The following SF3A1 variants were observed in gnomAD, a reference collection of about 807,000 sequenced individuals.
SF3A1 encodes SAP 114.
A neutral mutation model predicts 89.9 loss-of-function variants in SF3A1; 13 were observed. The observed-to-expected ratio is 0.14, with a 90% CI of 0.09 to 0.23. The LOEUF is 0.23. Among genes scored for constraint, SF3A1 ranks in the 10% least tolerant of loss-of-function variants. The pLI is 1.00. For missense variants in SF3A1, 604 were observed against 1,022.1 expected (o/e 0.59, Z 5.58); for synonymous variants, 405 against 374.4 (o/e 1.08, Z -0.94).
chr22:30,335,453 A>G lies in SF3A1; in HGVS notation c.2280+14T>C. On this transcript the variant is annotated intron_variant, in intron 15 of 15. Transcript: ENST00000215793. The stretch of plus-strand genomic sequence containing the variant: ...CAGGACCCAAGGGACAGGTCTGTGG[A>G]CAAACTGACTCACCTCATACTGTAG... 1 of 1,612,264 alleles carries G rather than the reference A, an allele frequency of 6.2e-7. No individual in the cohort carries two copies. The highest frequency in any genetic ancestry group is 8.5e-7 in the Non-Finnish European group (1 of 1,178,430).
intron 3 of SF3A1, chr22:30,346,106 C>G (rs1931409687): frequency 1.7e-6 from 1 of 580,448 alleles, no homozygotes; most frequent in Admixed American, 3.1e-5. Flanking sequence ...GTACCAAGCA[C>G]AGAGCTTGAC....
intron 4 of SF3A1, 140 bp from the exon 5 acceptor site, chr22:30,343,019 G>T: frequency 1.8e-6 from 1 of 564,474 alleles, no homozygotes; most frequent in Non-Finnish European, 3.2e-6. Flanking sequence ...ACTTGGCTGT[G>T]GGACTTAGGG....
In SF3A1 at chr22:30,342,341, G is replaced by T. The variant is rs548005940; in HGVS notation, c.736C>A (p.Arg246=). The T allele has an allele frequency of 6.2e-7, 1 of 1,607,338 alleles. No homozygotes were observed. Among genetic ancestry groups the T allele is most frequent in the Non-Finnish European group, 8.5e-7 (1 of 1,176,722 alleles). ...PREVLDQVCY[R]VEWAKFQERE... ...TCCTGGAATTTGGCCCATTCCACTC[G>T]GTAACACACCTGCAGAGATGGGAAA... The change falls in exon 6 of 16, where the codon CGA becomes AGA. Residue 246 remains arginine (R), a synonymous_variant. Coordinates refer to ENST00000215793, the MANE Select transcript of SF3A1 (RefSeq NM_005877.6).
chr22:30,352,611 G>A (rs1160554123), intron 2 of SF3A1: 2 of 194,720 alleles, frequency 1.0e-5, no homozygotes, highest in African/African-American at 4.6e-5. Flanking sequence ...TGTACAATGA[G>A]AATAATAAAC....
rs753487583 is a variant in SF3A1 at position 30,346,411 on chromosome 22, G to A, written c.294C>T (p.Val98=). Residue 98 remains valine, a synonymous_variant, in exon 3 of 16, where the codon GTC becomes GTT. Transcript: ENST00000215793. ...GAGCCTTCCCTTCCTTGAACTCGCT[G>A]ACCTTGTGGCGGTAGTAGGCATGGT... The part of the protein sequence containing the change: ...DPYHAYYRHK[V]SEFKEGKAQE... 17 of 1,613,998 alleles carry A rather than the reference G, an allele frequency of 1.1e-5. No individual in the cohort carries two copies. In the South Asian group the frequency reaches 1.6e-4, roughly 16 times the overall value.
intron 6 of SF3A1, 28 bp from the exon 7 acceptor site, chr22:30,341,913 T>C: frequency 6.3e-7 from 1 of 1,599,608 alleles, no homozygotes; most frequent in Non-Finnish European, 8.5e-7. Flanking sequence ...GGCAAAGGTA[T>C]TCCTTATCAA....
rs1172725026 is a variant in SF3A1 at position 30,337,029 on chromosome 22, G to A, written c.2103C>T (p.Asn701=). Reference sequence around the variant, plus strand: ...GCAGCATTCTGGGATTACATACCTTGTTTCTGCGCAGGAACTCCTCCTCTG... The same window carrying A: ...GCAGCATTCTGGGATTACATACCTTATTTCTGCGCAGGAACTCCTCCTCTG... ...LMPEEEFLRR[N]KGPVSIKVQV... Residue 701 remains asparagine, a synonymous_variant, in exon 13 of 16, where the codon AAC becomes AAT. Transcript: ENST00000215793. 1 of 1,614,156 alleles carries A rather than the reference G, an allele frequency of 6.2e-7. No homozygotes were observed.
At chr22:30,335,060 GAGA>G (rs767448878) in intron 15 of SF3A1, among the ~76,000 whole-genome samples, 15 of 152,316 alleles carry the variant, frequency 9.8e-5, no homozygotes, top group African/African-American at 2.6e-4. Context: ...TTCAAGTTCA[GAGA>G]AGAAGAACAT....
rs117435254 is a variant in SF3A1, at chr22:30,349,171, C to T, written c.186-2652G>A. ...CAGTTGTGCATTTCTACTGCATGCTCCATAAATATACGTGAACCCAGGAGA... is the reference window on the plus strand; with the variant it reads ...CAGTTGTGCATTTCTACTGCATGCTTCATAAATATACGTGAACCCAGGAGA... On this transcript the variant is annotated intron_variant, in intron 2 of 15. Coordinates refer to ENST00000215793, the MANE Select transcript of SF3A1 (RefSeq NM_005877.6). 1.2e-3 allele frequency among the ~76,000 whole-genome samples: 179 copies of T among 152,352 alleles called. 5 individuals are homozygous for T. In the East Asian group the frequency reaches 0.032, roughly 27 times the overall value.
chr22:30,356,637 G>T, intron 1 of SF3A1, 93 bp downstream of exon 1: 2 of 1,006,488 alleles, frequency 2.0e-6, no homozygotes. Flanking sequence ...GTCCCTCCAA[G>T]CCCTTCATAG....
At position 30,350,185 on chromosome 22, in the gene SF3A1, G is replaced by A. The variant is rs539434813; in HGVS notation, c.185+2766C>T. Among the ~76,000 whole-genome samples the A allele has an allele frequency of 7.2e-4, 110 of 152,024 alleles. 1 individual carries two copies. The highest frequency in any genetic ancestry group is 2.5e-3 in the African/African-American group (102 of 41,450). ...GAAATGTTGGGAACAGGCCAGGTGC[G>A]GTGGTCACTGCCTGTAATCCCAGCC... On this transcript the variant is annotated intron_variant, in intron 2 of 15. Transcript: ENST00000215793.
chr22:30,347,102 G>A (rs1931444648), intron 2 of SF3A1, among the ~76,000 whole-genome samples: 1 of 151,950 alleles, frequency 6.6e-6, no homozygotes, highest in Admixed American at 6.6e-5. Flanking sequence ...TTTGAGCCTG[G>A]GCAACAAGAA....
chr22:30,342,496 T>G, intron 5 of SF3A1, 146 bp from the exon 6 acceptor site: 5 of 888,316 alleles, frequency 5.6e-6, no homozygotes, highest in Non-Finnish European at 8.4e-6. Context: ...TTGCACCTGG[T>G]TCCACCCAGG....
chr22:30,356,766 C>T lies in SF3A1; in HGVS notation c.27G>A (p.Val9=), dbSNP rs1362280702. Residue 9 remains valine (V), a synonymous_variant, in exon 1 of 16, where the codon GTG becomes GTA. Coordinates refer to ENST00000215793, the MANE Select transcript of SF3A1 (RefSeq NM_005877.6). ...CCGTGGGCACGGGCGGCGGCGGGGG[C>T]ACCGCCTGCACGGGTCCGGCCGGCA... MPAGPVQA[V]PPPPPVPTEP... 16 of 1,471,560 alleles carry T rather than the reference C, an allele frequency of 1.1e-5. No homozygotes were observed. The highest frequency in any genetic ancestry group is 1.4e-5 in the Non-Finnish European group (15 of 1,106,682). The allele number at this position is 1,471,560 out of a possible 1,614,324, so 91.2% of individuals were successfully genotyped here.
chr22:30,341,015 T>A (rs1931234556), intron 7 of SF3A1, among the ~76,000 whole-genome samples: 3 of 148,006 alleles, frequency 2.0e-5, no homozygotes, highest in Non-Finnish European at 4.4e-5. Flanking sequence ...GAGGCCACGG[T>A]CCTAGCACTC....
rs907267285 is a variant in SF3A1, at chr22:30,353,170, T to C, written c.64-98A>G. The C allele has an allele frequency of 1.0e-4, 146 of 1,444,898 alleles. 1 individual carries two copies. The highest frequency in any genetic ancestry group is 1.8e-4 in the Middle Eastern group (1 of 5,526). The allele number at this position is 1,444,898 out of a possible 1,614,324, so 89.5% of individuals were successfully genotyped here. On this transcript the variant is annotated intron_variant, in intron 1 of 15. Coordinates refer to ENST00000215793, the MANE Select transcript of SF3A1 (RefSeq NM_005877.6). The stretch of plus-strand genomic sequence containing the variant: ...CTAGGATATCATTCAGAGTAGACTT[T>C]CATTCACAGACTTCCCTCAGGTTAG...
rs548042182 is a variant in SF3A1, at chr22:30,342,957, T to C, written c.652-78A>G. On this transcript the variant is annotated intron_variant, in intron 4 of 15. Transcript: ENST00000215793. Reference sequence around the variant, plus strand: ...AGAGGCAGCCTTCCTGGGCCTGTGATAAAGCACAGGAGATGAGGAAGCATG... The same window carrying C: ...AGAGGCAGCCTTCCTGGGCCTGTGACAAAGCACAGGAGATGAGGAAGCATG... 3.0e-4 allele frequency: 272 copies of C among 897,346 alleles called. 2 individuals are homozygous for C. The highest frequency in any genetic ancestry group is 1.4e-4 in the South Asian group (10 of 73,744). The allele number at this position is 897,346 out of a possible 1,614,324, so 55.6% of individuals were successfully genotyped here.
chr22:30,352,927 G>A (rs368966848), intron 2 of SF3A1, 24 bp downstream of exon 2: 14 of 1,613,290 alleles, frequency 8.7e-6, no homozygotes, highest in Admixed American at 5.0e-5. Flanking sequence ...ACCCACCTCT[G>A]ACCCACCCAA....
intron 6 of SF3A1, 73 bp downstream of exon 6, chr22:30,342,127 A>G: frequency 6.5e-7 from 1 of 1,547,944 alleles, no homozygotes. Flanking sequence ...GCTCTCTGGG[A>G]ACACCTGCAC....
Sources: allele counts gnomAD v4.1 joint callset (sites outside exome capture counted in the v4.1 genomes callset), GRCh38; gene constraint gnomAD v4.1.1; transcripts MANE v1.5; gene names NCBI Gene and HGNC (gene_info 2026-07-23, HGNC 2026-07-21).